The following CEP85 variants were observed in gnomAD, a reference collection of about 807,000 sequenced individuals.
CEP85 encodes centrosomal protein 85.
A neutral mutation model predicts 93.7 loss-of-function variants in CEP85; 58 were observed. The observed-to-expected ratio is 0.62, with a 90% CI of 0.50 to 0.77. The LOEUF is 0.77. Among genes scored for constraint, CEP85 ranks in the 30% least tolerant of loss-of-function variants. The pLI, the probability that CEP85 is intolerant of heterozygous loss-of-function variation, is 0.00. For synonymous variants in CEP85, 314 were observed against 338.6 expected, an observed-to-expected ratio of 0.93 and a Z score of 0.80; for missense variants, 868 against 922.0, an observed-to-expected ratio of 0.94 and a Z score of 0.76.
intron 6 of CEP85, 75 bp downstream of exon 6, chr1:26,258,335 A>G: frequency 1.1e-6 from 1 of 927,194 alleles, no homozygotes. Context: ...ACCATTAGGT[A>G]TCCAGGAGAT....
Position 26,275,001 on chromosome 1 carries a change from GCC to G in CEP85, c.1833_1834del (p.Ser611ArgfsTer33). 2 of 1,584,710 alleles carry G rather than the reference GCC, an allele frequency of 1.3e-6. No homozygotes were observed. The highest frequency in any genetic ancestry group is 1.7e-6 in the Non-Finnish European group (2 of 1,165,464). ...GAAGTGGCTCAAGAAGAAGGAACAA[GCC>G]AGGCCCTGAGAGAGGAGGCCCAGCG... On this transcript the variant is annotated frameshift_variant, in exon 12 of 14. Coordinates refer to ENST00000451429, the MANE Select transcript of CEP85 (RefSeq NM_001319944.2). LOFTEE classifies it high-confidence loss of function.
Position 26,257,737 on chromosome 1 carries a change from G to A in CEP85, c.1037+7G>A, listed in dbSNP as rs1443269040. 2 of 1,613,900 alleles carry A rather than the reference G, an allele frequency of 1.2e-6. No individual in the cohort carries two copies. The highest frequency in any genetic ancestry group is 1.7e-6 in the Non-Finnish European group (2 of 1,179,944). ...AAGAGCTTCTCATTGACAAGTAAGA[G>A]GGCAAGGGGTACCACAGAGCCAGAC... On this transcript the variant is annotated splice_region_variant and intron_variant, in intron 5 of 13. Coordinates refer to ENST00000451429, the MANE Select transcript of CEP85 (RefSeq NM_001319944.2).
chr1:26,259,723 T>G lies in CEP85; in HGVS notation c.1262T>G (p.Val421Gly), dbSNP rs147384749. ...DLEKKLSASEVEVQLIRESLK... is the reference protein window; with the variant it reads ...DLEKKLSASEGEVQLIRESLK... ...GAAAAGAAACTCTCTGCTTCTGAAG[T>G]TGAAGTCCAGCTCATCAGAGAGTCG... is the stretch of plus-strand genomic sequence containing the variant. The change falls in exon 7 of 14, where the codon GTT becomes GGT. Residue 421 changes from valine to glycine, a missense_variant. Val to Gly is a moderately radical substitution (Grantham distance 109). Transcript: ENST00000451429. 5.0e-6 allele frequency: 8 copies of G among 1,613,994 alleles called. No individual in the cohort carries two copies. The highest frequency in any genetic ancestry group is 5.9e-6 in the Non-Finnish European group (7 of 1,179,978).
At chr1:26,268,396 T>C (rs771936430) in intron 7 of CEP85, 87 bp from the exon 8 acceptor site, 5 of 1,490,120 alleles carry the variant, frequency 3.4e-6, no homozygotes, top group Non-Finnish European at 4.6e-6. Flanking sequence ...AGGTGGAGGC[T>C]GCAGTCAGCT....
intron 1 of CEP85, among the ~76,000 whole-genome samples, chr1:26,235,567 C>CTT (rs1192252673): frequency 0.36 from 33,930 of 95,454 alleles, 7,023 homozygotes; most frequent in Non-Finnish European, 0.39. Flanking sequence ...GATTGTAATT[C>CTT]TTTTTTTTTT....
intron 11 of CEP85, 88 bp from the exon 12 acceptor site, chr1:26,274,876 A>C: frequency 9.9e-7 from 1 of 1,011,450 alleles, no homozygotes; most frequent in Admixed American, 2.3e-5. Context: ...GTGAGTCGTC[A>C]CTATATAGTC....
chr1:26,235,757 A>T (rs1178519407), intron 1 of CEP85, among the ~76,000 whole-genome samples: 1 of 151,818 alleles, frequency 6.6e-6, no homozygotes, highest in Non-Finnish European at 1.5e-5. Context: ...TTTTTAGTAG[A>T]GACGGCGTTT....
At chr1:26,269,685 C>A in intron 9 of CEP85, 71 bp downstream of exon 9, 1 of 1,260,680 alleles carries the variant, frequency 7.9e-7, no homozygotes, top group Non-Finnish European at 1.1e-6. Flanking sequence ...GCTCACTTAC[C>A]TGTGTGACTT....
In CEP85 at chr1:26,249,991, C is replaced by T. The variant is rs569409670; in HGVS notation, c.209-5180C>T. ...ACTCGGTGGGGCTCAAGTAATCCTC[C>T]TGAGTTAGACTACTGAGTAGCTGGG... On this transcript the variant is annotated intron_variant, in intron 3 of 13. Transcript: ENST00000451429. Among the ~76,000 whole-genome samples, 4 of 152,204 alleles carry T rather than the reference C, an allele frequency of 2.6e-5. No individual in the cohort carries two copies. The South Asian group carries it at 6.2e-4, about 24-fold the overall frequency.
chr1:26,252,103 C>G lies in CEP85; in HGVS notation c.209-3068C>G, dbSNP rs184554801. 3.5e-4 allele frequency among the ~76,000 whole-genome samples: 53 copies of G among 152,096 alleles called. 1 individual carries two copies. The highest frequency in any genetic ancestry group is 6.0e-4 in the Non-Finnish European group (41 of 67,984). On this transcript the variant is annotated intron_variant, in intron 3 of 13. Transcript: ENST00000451429. ...AAAATTAGCCAGGCATGGTGGCGGG[C>G]TCCTGTAATCCCAGCTACTCGAGAG...
intron 2 of CEP85, among the ~76,000 whole-genome samples, chr1:26,242,826 C>T (rs1470462267): frequency 2.6e-5 from 4 of 151,998 alleles, no homozygotes; most frequent in African/African-American, 9.7e-5. Context: ...TTACATGGAT[C>T]ACCAGATACA....
intron 1 of CEP85, among the ~76,000 whole-genome samples, chr1:26,235,393 G>A (rs544704664): frequency 1.3e-5 from 2 of 152,224 alleles, no homozygotes; most frequent in South Asian, 4.1e-4. Flanking sequence ...TCAAGGATTT[G>A]GCTTCTCTTT....
At chr1:26,256,535 A>T (rs892237900) in intron 4 of CEP85, among the ~76,000 whole-genome samples, 1 of 152,086 alleles carries the variant, frequency 6.6e-6, no homozygotes, top group Admixed American at 6.5e-5. Context: ...TGTCTCAAAA[A>T]ATAAATAAAT....
chr1:26,240,912 GA>G (rs1319669069), intron 2 of CEP85, among the ~76,000 whole-genome samples: 3 of 150,494 alleles, frequency 2.0e-5, no homozygotes, highest in Admixed American at 1.3e-4. Flanking sequence ...AAAAAAAGGG[GA>G]AAAAAAAGAA....
chr1:26,242,398 A>C (rs993734990), intron 2 of CEP85, among the ~76,000 whole-genome samples: 3 of 152,220 alleles, frequency 2.0e-5, no homozygotes, highest in African/African-American at 7.2e-5. Context: ...AGCATTGGCT[A>C]ATCTCATGCC....
At chr1:26,266,385 T>G (rs992278211) in intron 7 of CEP85, among the ~76,000 whole-genome samples, 3 of 152,134 alleles carry the variant, frequency 2.0e-5, no homozygotes, top group African/African-American at 4.8e-5. Context: ...AGACCCTGTC[T>G]CAAAAAAATA....
In CEP85 at chr1:26,239,844, T is replaced by TA; in HGVS notation, c.55+7dup. ...CTCTCACGTCACTTCACCGAGTGAG[T>TA]AGTCAGAAGTTTTCTGGGTTAAATT... is the stretch of plus-strand genomic sequence containing the variant. On this transcript the variant is annotated splice_region_variant and intron_variant, in intron 2 of 13. Transcript: ENST00000451429. The TA allele has an allele frequency of 6.2e-7, 1 of 1,606,430 alleles. No individual in the cohort carries two copies. Among genetic ancestry groups the TA allele is most frequent in the African/African-American group, 1.3e-5 (1 of 74,870 alleles).
intron 2 of CEP85, 68 bp downstream of exon 2, chr1:26,239,906 A>C: frequency 8.5e-7 from 1 of 1,176,192 alleles, no homozygotes; most frequent in Non-Finnish European, 1.3e-6. Context: ...TCCTTAAGGT[A>C]AATATTGAAC....
Position 26,276,652 on chromosome 1 carries a change from C to T in CEP85, c.2020C>T (p.His674Tyr), listed in dbSNP as rs961280862. The part of the protein sequence containing the change: ...PDTAQLALEL[H>Y]QELASCLQDL... ...CACGGCCCAGCTGGCACTTGAGCTG[C>T]ACCAGGAGTTGGCCAGTTGCCTTCA... Residue 674 changes from histidine (H) to tyrosine (Y), a missense_variant, in exon 13 of 14, where the codon CAC becomes TAC. Coordinates refer to ENST00000451429, the MANE Select transcript of CEP85 (RefSeq NM_001319944.2). 7.4e-6 allele frequency: 12 copies of T among 1,614,212 alleles called. No individual in the cohort carries two copies. In the Admixed American group the frequency reaches 1.0e-4, roughly 13 times the overall value.
Sources: allele counts gnomAD v4.1 joint callset (sites outside exome capture counted in the v4.1 genomes callset), GRCh38; gene constraint gnomAD v4.1.1; transcripts MANE v1.5; gene names NCBI Gene and HGNC (gene_info 2026-07-23, HGNC 2026-07-21).